The following HS3ST5 variants were observed in gnomAD, a reference collection of about 807,000 sequenced individuals.
HS3ST5 encodes the protein heparan sulfate-glucosamine 3-sulfotransferase 5.
HS3ST5 carries 10 observed loss-of-function variants against 25.4 expected under a neutral mutation model. The observed-to-expected ratio is 0.39, with a 90% CI of 0.24 to 0.67. The LOEUF (loss-of-function observed/expected upper bound fraction) is 0.67. Ranked by LOEUF, HS3ST5 falls within the 30% of genes least tolerant of loss-of-function variation. The pLI is 0.44. For synonymous variants in HS3ST5, 170 were observed against 162.4 expected, an observed-to-expected ratio of 1.05 and a Z score of -0.36; for missense variants, 324 against 420.7, an observed-to-expected ratio of 0.77 and a Z score of 2.01.
intron 2 of HS3ST5, among the ~76,000 whole-genome samples, chr6:114,208,185 G>T (rs917614199): frequency 2.0e-5 from 3 of 152,166 alleles, no homozygotes; most frequent in Non-Finnish European, 2.9e-5. Flanking sequence ...AAAAACTGGG[G>T]ACACCCCAAT....
intron 1 of HS3ST5, among the ~76,000 whole-genome samples, chr6:114,306,238 C>CATATATATATATAT (rs757321554): frequency 6.3e-5 from 7 of 111,520 alleles, no homozygotes; most frequent in African/African-American, 2.2e-4. Context: ...ATGAAATATA[C>CATATATATATATAT]ATATATATAT....
chr6:114,285,547 C>T (rs1774302003), intron 1 of HS3ST5, among the ~76,000 whole-genome samples: 1 of 152,026 alleles, frequency 6.6e-6, no homozygotes, highest in Non-Finnish European at 1.5e-5. Flanking sequence ...ACCTTGAAGA[C>T]ATTGTGCTAA....
intron 2 of HS3ST5, among the ~76,000 whole-genome samples, chr6:114,197,817 G>T (rs1054309476): frequency 6.6e-6 from 1 of 152,094 alleles, no homozygotes; most frequent in Admixed American, 6.5e-5. Flanking sequence ...ATTTCAAAAA[G>T]GTAGAAATGC....
intron 1 of HS3ST5, among the ~76,000 whole-genome samples, chr6:114,318,707 A>G (rs1016584175): frequency 5.3e-5 from 8 of 152,172 alleles, no homozygotes; most frequent in African/African-American, 1.9e-4. Context: ...TTGGGTTCAA[A>G]TGCCCACTTG....
intron 3 of HS3ST5, among the ~76,000 whole-genome samples, chr6:114,065,324 C>G (rs1461344191): frequency 6.6e-6 from 1 of 152,252 alleles, no homozygotes; most frequent in Non-Finnish European, 1.5e-5. Context: ...AAGAACCAAT[C>G]TCCTGTCTAC....
chr6:114,267,477 G>A (rs1773456489), intron 1 of HS3ST5, among the ~76,000 whole-genome samples: 1 of 152,164 alleles, frequency 6.6e-6, no homozygotes, highest in South Asian at 2.1e-4. Flanking sequence ...TGGAGGTGAG[G>A]AAGGGTGAAG....
At chr6:114,252,970 C>T (rs1772733685) in intron 1 of HS3ST5, among the ~76,000 whole-genome samples, 1 of 151,984 alleles carries the variant, frequency 6.6e-6, no homozygotes, top group South Asian at 2.1e-4. Flanking sequence ...TTGCTTGAGC[C>T]CAGGAATTCA....
At chr6:114,228,182 C>T (rs902809892) in intron 2 of HS3ST5, among the ~76,000 whole-genome samples, 1 of 152,098 alleles carries the variant, frequency 6.6e-6, no homozygotes, top group Non-Finnish European at 1.5e-5. Flanking sequence ...TAAAAATACA[C>T]ATTCTTACGA....
At chr6:114,302,913 C>T (rs77104130) in intron 1 of HS3ST5, among the ~76,000 whole-genome samples, 6,562 of 152,280 alleles carry the variant, frequency 0.043, 197 homozygotes, top group Non-Finnish European at 0.059. Context: ...TTAAAATGCT[C>T]TTAGCTTCTT....
chr6:114,133,971 TGA>T (rs148216053), intron 3 of HS3ST5, among the ~76,000 whole-genome samples: 4 of 148,402 alleles, frequency 2.7e-5, no homozygotes, highest in Admixed American at 6.7e-5. Flanking sequence ...TGTGGGAGCA[TGA>T]GAGAGAGAGA....
At chr6:114,261,449 A>T (rs1421870465) in intron 1 of HS3ST5, among the ~76,000 whole-genome samples, 2 of 152,162 alleles carry the variant, frequency 1.3e-5, no homozygotes. Context: ...GGCTGAGTAT[A>T]TACTTGATGG....
At chr6:114,317,364 G>A (rs986906901) in intron 1 of HS3ST5, among the ~76,000 whole-genome samples, 4 of 152,004 alleles carry the variant, frequency 2.6e-5, no homozygotes, top group Non-Finnish European at 4.4e-5. Context: ...AAGGGTAATC[G>A]TTAACACACT....
At chr6:114,118,499 A>T (rs1278727000) in intron 3 of HS3ST5, among the ~76,000 whole-genome samples, 2 of 152,206 alleles carry the variant, frequency 1.3e-5, no homozygotes, top group Non-Finnish European at 2.9e-5. Context: ...AAGCAATTAT[A>T]TGGGGTTATT....
chr6:114,276,275 T>C (rs770732888), intron 1 of HS3ST5, among the ~76,000 whole-genome samples: 4 of 152,114 alleles, frequency 2.6e-5, no homozygotes, highest in East Asian at 1.9e-4. Flanking sequence ...TCTCAGTTCA[T>C]TGGACATCCT....
chr6:114,136,319 T>G (rs1224883546), intron 3 of HS3ST5, among the ~76,000 whole-genome samples: 1 of 152,150 alleles, frequency 6.6e-6, no homozygotes, highest in Non-Finnish European at 1.5e-5. Flanking sequence ...TCTCATGAGA[T>G]CTAATGGTTT....
chr6:114,291,908 G>GA (rs1008304430), intron 1 of HS3ST5, among the ~76,000 whole-genome samples: 2 of 152,168 alleles, frequency 1.3e-5, no homozygotes, highest in African/African-American at 4.8e-5. Context: ...CTCTGAGGAT[G>GA]AAAGGAGATA....
chr6:114,133,982 G>C (rs1382335595), intron 3 of HS3ST5, among the ~76,000 whole-genome samples: 3 of 152,100 alleles, frequency 2.0e-5, no homozygotes, highest in Non-Finnish European at 4.4e-5. Context: ...GAGAGAGAGA[G>C]AGAGACAGAA....
chr6:114,162,053 T>C (rs1274367986), intron 3 of HS3ST5, among the ~76,000 whole-genome samples: 3 of 152,156 alleles, frequency 2.0e-5, no homozygotes, highest in African/African-American at 7.2e-5. Context: ...TTTCATCTAA[T>C]TGTGCTGCCA....
At chr6:114,091,161 G>T (rs1375910131) in intron 3 of HS3ST5, among the ~76,000 whole-genome samples, 1 of 152,136 alleles carries the variant, frequency 6.6e-6, no homozygotes, top group Non-Finnish European at 1.5e-5. Context: ...GCCTAATTAA[G>T]ATTTTCTTGT....
Sources: allele counts gnomAD v4.1 joint callset (sites outside exome capture counted in the v4.1 genomes callset), GRCh38; gene constraint gnomAD v4.1.1; transcripts MANE v1.5; gene names NCBI Gene and HGNC (gene_info 2026-07-23, HGNC 2026-07-21).